TRIM62: variants seen among roughly 807,000 people sequenced by gnomAD.
TRIM62 encodes E3 ubiquitin-protein ligase TRIM62.
Under a neutral mutation model 44.2 loss-of-function variants are expected in TRIM62, and 39 were observed. The ratio of observed to expected loss-of-function variants is 0.88; its 90% CI spans 0.68 to 1.15. The LOEUF (loss-of-function observed/expected upper bound fraction) is 1.15. TRIM62 is among the 50% of genes most tolerant of loss of function. The probability of loss-of-function intolerance (pLI) is 0.00; values close to 1 mark genes in which losing one functional copy is unlikely to be tolerated. For missense variants in TRIM62, 544 were observed against 665.5 expected, an observed-to-expected ratio of 0.82 and a Z score of 2.01; for synonymous variants, 278 against 292.3, an observed-to-expected ratio of 0.95 and a Z score of 0.50.
chr1:33,158,417 C>G, intron 3 of TRIM62, 49 bp from the exon 4 acceptor site: 1 of 1,563,728 alleles, frequency 6.4e-7, no homozygotes, highest in South Asian at 1.1e-5. Context: ...GGATTCCTGC[C>G]CCAATGCCAG....
chr1:33,152,357 G>A (rs1286443300), intron 4 of TRIM62, among the ~76,000 whole-genome samples: 1 of 152,190 alleles, frequency 6.6e-6, no homozygotes, highest in African/African-American at 2.4e-5. Flanking sequence ...CCTGAGGTCC[G>A]GAGTTCGAGA....
chr1:33,154,022 A>G (rs1403520898), intron 4 of TRIM62, among the ~76,000 whole-genome samples: 1 of 152,194 alleles, frequency 6.6e-6, no homozygotes, highest in Non-Finnish European at 1.5e-5. Flanking sequence ...AGGTTTTATA[A>G]ACTAAGATGC....
intron 1 of TRIM62, among the ~76,000 whole-genome samples, chr1:33,173,687 T>G (rs1159217733): frequency 6.6e-6 from 1 of 151,688 alleles, no homozygotes. Flanking sequence ...TCTTTTTTTT[T>G]TTTTTCCCTA....
chr1:33,160,008 G>A, intron 2 of TRIM62, 64 bp from the exon 3 acceptor site: 1 of 1,566,974 alleles, frequency 6.4e-7, no homozygotes, highest in South Asian at 1.1e-5. Flanking sequence ...CTGGGTGAGA[G>A]GAGGAAATCG....
rs1302890271 is a variant in TRIM62 at position 33,161,284 on chromosome 1, G to C, written c.505-1340C>G. ...GGCAGGATGTCAGTTGGGGGTCAGG[G>C]GAACAGGCAGAGGGAGCCGCATGAG... On this transcript the variant is annotated intron_variant, in intron 2 of 4. Coordinates refer to ENST00000291416, the MANE Select transcript of TRIM62 (RefSeq NM_018207.3). This position sits in a 1 kb window ranked among gnomAD's most constrained non-coding sequence, Gnocchi z 4.3. Among the ~76,000 whole-genome samples, 1 of 152,222 alleles carries C rather than the reference G, an allele frequency of 6.6e-6. No individual in the cohort carries two copies. Among genetic ancestry groups the C allele is most frequent in the Non-Finnish European group, 1.5e-5 (1 of 68,036 alleles).
At chr1:33,149,699 G>T (rs1041153179) in intron 4 of TRIM62, among the ~76,000 whole-genome samples, 1 of 152,104 alleles carries the variant, frequency 6.6e-6, no homozygotes, top group African/African-American at 2.4e-5. Flanking sequence ...AAGTGATCCT[G>T]CTGCCTCAGC....
chr1:33,152,631 T>C (rs1222538679), intron 4 of TRIM62, among the ~76,000 whole-genome samples: 1 of 146,416 alleles, frequency 6.8e-6, no homozygotes, highest in African/African-American at 2.5e-5. Context: ...ATAATAACAA[T>C]AAACAGACAG....
chr1:33,148,263 C>T lies in TRIM62; in HGVS notation c.878-536G>A, dbSNP rs181134493. ...AGTGATTTTCACGTGTCCCAGCAGA[C>T]ATTCATGTGGATGAAAAATCTTTTT... On this transcript the variant is annotated intron_variant, in intron 4 of 4. Transcript: ENST00000291416. 1.1e-3 allele frequency among the ~76,000 whole-genome samples: 172 copies of T among 152,322 alleles called. 1 individual carries two copies. Among genetic ancestry groups the T allele is most frequent in the South Asian group, 3.1e-3 (15 of 4,830 alleles).
intron 4 of TRIM62, among the ~76,000 whole-genome samples, chr1:33,149,454 C>A (rs1645066234): frequency 7.4e-6 from 1 of 134,836 alleles, no homozygotes; most frequent in Non-Finnish European, 1.6e-5. Context: ...GTGCTGGATT[C>A]TTTTAAAAAA....
chr1:33,147,589 G>A lies in TRIM62; in HGVS notation c.1016C>T (p.Ser339Leu), dbSNP rs571520536. The A allele has an allele frequency of 2.8e-5, 45 of 1,614,128 alleles. No individual in the cohort carries two copies. In the South Asian group the frequency reaches 4.1e-4, roughly 15 times the overall value. The change falls in exon 5 of 5, where the codon TCG (serine) becomes TTG (leucine). Residue 339 changes from serine to leucine, a missense_variant. Physicochemically the swap from Ser to Leu is moderately radical, Grantham distance 145. Coordinates refer to ENST00000291416, the MANE Select transcript of TRIM62 (RefSeq NM_018207.3). This position sits in a 1 kb window ranked among gnomAD's most constrained non-coding sequence, Gnocchi z 8.1. ...DSPKRFDVEV[S>L]VLGSEAFSSG... ...ACTGAAGGCTTCAGAACCCAGCACC[G>A]ACACCTCCACATCGAAGCGCTTTGG...
At position 33,181,842 on chromosome 1, in the gene TRIM62, G is replaced by T. The variant is rs1279071499; in HGVS notation, c.-410C>A. ...AAATCCCGGGGTGGGGGCGGTGCGG[G>T]GAGGGCGAGAAGCTGGGGATGGGGA... On this transcript the variant is annotated 5_prime_UTR_variant, in exon 1 of 5. Transcript: ENST00000291416. The surrounding 1 kb of genome is among the most constrained non-coding windows in gnomAD (Gnocchi z 6.5). Among the ~76,000 whole-genome samples, 1 of 151,514 alleles carries T rather than the reference G, an allele frequency of 6.6e-6. No homozygotes were observed. The highest frequency in any genetic ancestry group is 1.5e-5 in the Non-Finnish European group (1 of 67,788).
chr1:33,155,333 AG>A (rs1308119484), intron 4 of TRIM62, among the ~76,000 whole-genome samples: 1 of 151,894 alleles, frequency 6.6e-6, no homozygotes, highest in Non-Finnish European at 1.5e-5. Context: ...TGCCTCCCAA[AG>A]TGCTGGAATT....
At chr1:33,176,609 C>A in intron 1 of TRIM62, 1 of 512,960 alleles carries the variant, frequency 1.9e-6, no homozygotes, top group South Asian at 2.7e-5. Context: ...AACCACCTGC[C>A]CTCGGGGCGT....
In TRIM62 at chr1:33,180,117, C is replaced by T. The variant is rs115778475; in HGVS notation, c.408+908G>A. Among the ~76,000 whole-genome samples, 433 of 152,062 alleles carry T rather than the reference C, an allele frequency of 2.8e-3. 3 individuals are homozygous for T. Among genetic ancestry groups the T allele is most frequent in the African/African-American group, 0.01 (417 of 41,458 alleles). ...GAAGACAGGAAGTCTTAAGGGAGAC[C>T]GATTAGAGTTCTATGCCAACTATGC... is the stretch of plus-strand genomic sequence containing the variant. On this transcript the variant is annotated intron_variant, in intron 1 of 4. Coordinates refer to ENST00000291416, the MANE Select transcript of TRIM62 (RefSeq NM_018207.3).
At chr1:33,148,828 C>T (rs1002917742) in intron 4 of TRIM62, among the ~76,000 whole-genome samples, 3 of 152,178 alleles carry the variant, frequency 2.0e-5, no homozygotes, top group Non-Finnish European at 2.9e-5. Context: ...TAGGCCAACT[C>T]TTCCATTTGA....
intron 1 of TRIM62, among the ~76,000 whole-genome samples, chr1:33,178,874 A>G (rs1006727775): frequency 6.6e-6 from 1 of 152,226 alleles, no homozygotes; most frequent in African/African-American, 2.4e-5. Flanking sequence ...AGGTCATGGG[A>G]TAGAGTACAG....
Position 33,156,206 on chromosome 1 carries a change from A to G in TRIM62, c.877+2047T>C, listed in dbSNP as rs182599236. Among the ~76,000 whole-genome samples the G allele has an allele frequency of 1.5e-3, 223 of 152,300 alleles. 1 individual carries two copies. The highest frequency in any genetic ancestry group is 5.2e-3 in the African/African-American group (215 of 41,552). On this transcript the variant is annotated intron_variant, in intron 4 of 4. Coordinates refer to ENST00000291416, the MANE Select transcript of TRIM62 (RefSeq NM_018207.3). ...CTGTCCCCTCTACTGGATCTTTCCA[A>G]TCATCTCACAGATATGCTGTATTTC...
intron 1 of TRIM62, among the ~76,000 whole-genome samples, chr1:33,178,613 G>C (rs1645438915): frequency 6.6e-6 from 1 of 152,214 alleles, no homozygotes; most frequent in Admixed American, 6.5e-5. Flanking sequence ...TCCCAGGTCA[G>C]CTTCACAAAA....
At chr1:33,169,057 CAT>C (rs1292716919) in intron 1 of TRIM62, among the ~76,000 whole-genome samples, 13 of 152,186 alleles carry the variant, frequency 8.5e-5, no homozygotes, top group Non-Finnish European at 1.8e-4. Flanking sequence ...ATTCCACAAA[CAT>C]GTGTTGAGAC....
Sources: allele counts gnomAD v4.1 joint callset (sites outside exome capture counted in the v4.1 genomes callset), GRCh38; gene constraint gnomAD v4.1.1; non-coding constraint Gnocchi (gnomAD v3.1); transcripts MANE v1.5; gene names NCBI Gene and HGNC (gene_info 2026-07-23, HGNC 2026-07-21).